Variants in VAV2 observed in about 807,000 individuals in gnomAD.
The protein encoded by VAV2 is guanine nucleotide exchange factor VAV2.
A neutral mutation model predicts 132.5 loss-of-function variants in VAV2; 67 were observed. The ratio of observed to expected loss-of-function variants is 0.51; its 90% CI spans 0.42 to 0.62. The LOEUF (loss-of-function observed/expected upper bound fraction) is 0.62. Ranked by LOEUF, VAV2 falls within the 20% of genes least tolerant of loss-of-function variation. VAV2 has a pLI of 0.00. For missense variants in VAV2, 938 were observed against 1,153.6 expected, an observed-to-expected ratio of 0.81 and a Z score of 2.71; for synonymous variants, 492 against 443.5, an observed-to-expected ratio of 1.11 and a Z score of -1.37.
chr9:133,772,910 ACGG>A, intron 25 of VAV2, among the ~76,000 whole-genome samples: 2 of 110,882 alleles, frequency 1.8e-5, no homozygotes, highest in Admixed American at 1.8e-4. Context: ...TGTAGGCTGG[ACGG>A]CAGAGCCTAC....
intron 1 of VAV2, among the ~76,000 whole-genome samples, chr9:133,981,003 C>T (rs1842675297): frequency 2.0e-5 from 3 of 152,234 alleles, no homozygotes; most frequent in Non-Finnish European, 4.4e-5. Context: ...GATCTAAATA[C>T]CTCATTTGCT....
At chr9:133,881,432 G>A (rs1161038583) in intron 2 of VAV2, among the ~76,000 whole-genome samples, 3 of 152,248 alleles carry the variant, frequency 2.0e-5, no homozygotes, top group African/African-American at 7.2e-5. Flanking sequence ...GACAGGAGGG[G>A]AGGCCCTGCA....
intron 2 of VAV2, among the ~76,000 whole-genome samples, chr9:133,914,714 G>GA (rs1839999930): frequency 5.2e-5 from 3 of 57,460 alleles, no homozygotes; most frequent in South Asian, 9.9e-4. Context: ...AAGGAGAGGG[G>GA]AGGGATCACG....
Position 133,861,396 on chromosome 9 carries a change from T to A in VAV2, c.358A>T (p.Ile120Phe). 5.6e-6 allele frequency: 9 copies of A among 1,613,544 alleles called. No homozygotes were observed. The highest frequency in any genetic ancestry group is 6.8e-6 in the Non-Finnish European group (8 of 1,179,790). The change falls in exon 3 of 30, where the codon ATC (isoleucine) becomes TTC (phenylalanine). Residue 120 changes from isoleucine to phenylalanine, a missense_variant. Ile to Phe is a conservative substitution (Grantham distance 21). Transcript: ENST00000371850. ...SAVSRLSLHSIAQNKGIRPFP... is the reference protein window; with the variant it reads ...SAVSRLSLHSFAQNKGIRPFP... The stretch of plus-strand genomic sequence containing the variant: ...CACCTGATCCCTTTGTTCTGCGCGA[T>A]GCTGTGCAGGGAGAGCCTCGACACC...
At chr9:133,915,233 C>T (rs1205435563) in intron 2 of VAV2, among the ~76,000 whole-genome samples, 4 of 152,160 alleles carry the variant, frequency 2.6e-5, no homozygotes, top group Non-Finnish European at 5.9e-5. Context: ...GGGACATCCA[C>T]AGCTGGAAGC....
chr9:133,770,874 C>A (rs1360129660), intron 26 of VAV2, among the ~76,000 whole-genome samples: 1 of 152,070 alleles, frequency 6.6e-6, no homozygotes, highest in African/African-American at 2.4e-5. Context: ...GGGGAAGATT[C>A]ATTAATGGTG....
rs1835043542 is a variant in VAV2 at position 133,804,068 on chromosome 9, A to C, written c.836+2013T>G. On this transcript the variant is annotated intron_variant, in intron 9 of 29. Transcript: ENST00000371850. This position sits in a 1 kb window ranked among gnomAD's most constrained non-coding sequence, Gnocchi z 4.5. ...TGGTTCTCATCCATCCCACCCAGCG[A>C]GAGGCCAGTAGCTCTGTTCACTGCG... is the stretch of plus-strand genomic sequence containing the variant. 6.6e-6 allele frequency among the ~76,000 whole-genome samples: 1 copy of C among 152,138 alleles called. No homozygotes were observed. Among genetic ancestry groups the C allele is most frequent in the African/African-American group, 2.4e-5 (1 of 41,438 alleles).
At chr9:133,927,802 C>T (rs1840532894) in intron 2 of VAV2, 2 of 152,282 alleles carry the variant, frequency 1.3e-5, no homozygotes, top group South Asian at 4.1e-4. Context: ...CTACCTCACA[C>T]CACTGGCATG....
intron 3 of VAV2, among the ~76,000 whole-genome samples, chr9:133,850,172 A>C (rs1230259854): frequency 1.3e-5 from 2 of 152,226 alleles, no homozygotes; most frequent in Non-Finnish European, 2.9e-5. Context: ...GAACAAGCTC[A>C]GGGCTAAGGA....
chr9:133,940,664 TC>T (rs1841105361), intron 1 of VAV2, among the ~76,000 whole-genome samples: 1 of 107,672 alleles, frequency 9.3e-6, no homozygotes, highest in African/African-American at 3.7e-5. Context: ...TCCCTCTCTG[TC>T]CACGTGCGTG....
At chr9:133,805,926 G>C (rs1165546746) in intron 9 of VAV2, among the ~76,000 whole-genome samples, 155 bp downstream of exon 9, 1 of 152,192 alleles carries the variant, frequency 6.6e-6, no homozygotes, top group African/African-American at 2.4e-5. Flanking sequence ...GGCTCGGGGT[G>C]GGTGGCATCC....
chr9:133,816,458 A>C (rs1835562901), intron 4 of VAV2, among the ~76,000 whole-genome samples: 1 of 152,104 alleles, frequency 6.6e-6, no homozygotes, highest in Non-Finnish European at 1.5e-5. Context: ...AGTTTTAGCC[A>C]CTCTGTTTAG....
intron 1 of VAV2, among the ~76,000 whole-genome samples, chr9:133,958,455 T>A (rs967120337): frequency 1.3e-5 from 2 of 150,372 alleles, no homozygotes; most frequent in Admixed American, 6.7e-5. Context: ...TCCTTTACCT[T>A]GTCTATGATG....
chr9:133,947,152 G>A (rs1841388094), intron 1 of VAV2, among the ~76,000 whole-genome samples: 1 of 152,194 alleles, frequency 6.6e-6, no homozygotes, highest in South Asian at 2.1e-4. Flanking sequence ...GACAGCCACT[G>A]CTGCTTAGGT....
chr9:133,899,244 G>C (rs939314529), intron 2 of VAV2, among the ~76,000 whole-genome samples: 5 of 151,686 alleles, frequency 3.3e-5, no homozygotes, highest in African/African-American at 1.2e-4. Context: ...GAGACGACCT[G>C]AGGAGACCCA....
intron 3 of VAV2, among the ~76,000 whole-genome samples, chr9:133,845,123 C>T (rs1487491255): frequency 1.3e-5 from 2 of 152,242 alleles, no homozygotes; most frequent in Admixed American, 6.5e-5. Flanking sequence ...GCACAGTCGC[C>T]GGATCACACA....
intron 1 of VAV2, among the ~76,000 whole-genome samples, chr9:133,965,494 C>CAAAAAA (rs148320930): frequency 8.1e-6 from 1 of 122,794 alleles, no homozygotes; most frequent in African/African-American, 3.2e-5. Context: ...GCGAGACTGT[C>CAAAAAA]AAAAAAAAAA....
chr9:133,952,478 C>T (rs1273079554), intron 1 of VAV2, among the ~76,000 whole-genome samples: 1 of 152,056 alleles, frequency 6.6e-6, no homozygotes, highest in Non-Finnish European at 1.5e-5. Flanking sequence ...TGGCACGCAC[C>T]TGTAATCCCA....
chr9:133,914,619 A>G (rs1839993189), intron 2 of VAV2, among the ~76,000 whole-genome samples: 1 of 79,670 alleles, frequency 1.3e-5, no homozygotes, highest in African/African-American at 5.7e-5. Context: ...AGAGAGAGAG[A>G]GGAGGGGGAG....
Sources: gnomAD v4.1 joint callset for allele counts (sites outside exome capture counted in the v4.1 genomes callset) on GRCh38, gnomAD v4.1.1 for gene constraint, Gnocchi (gnomAD v3.1) non-coding constraint, MANE v1.5 for transcripts, NCBI Gene and HGNC (gene_info 2026-07-23, HGNC 2026-07-21) for gene names.